The following CUX2 variants were observed in gnomAD, a reference collection of about 807,000 sequenced individuals.
CUX2 encodes homeobox protein cut-like 2.
Under a neutral mutation model 144.8 loss-of-function variants are expected in CUX2, and 40 were observed. The ratio of observed to expected loss-of-function variants is 0.28; its 90% CI spans 0.21 to 0.36. The LOEUF is 0.36. Ranked by LOEUF, CUX2 falls within the 10% of genes least tolerant of loss-of-function variation. CUX2 has a pLI of 1.00. For synonymous variants in CUX2, 827 were observed against 875.6 expected (o/e 0.94, Z 0.98); for missense variants, 1,615 against 1,994.0 (o/e 0.81, Z 3.62).
At position 111,160,004 on chromosome 12, in the gene CUX2, G is replaced by A. The variant is rs187526351; in HGVS notation, c.64-54196G>A. Among the ~76,000 whole-genome samples, 133 of 152,272 alleles carry A rather than the reference G, an allele frequency of 8.7e-4. No homozygotes were observed. Among genetic ancestry groups the A allele is most frequent in the Middle Eastern group, 3.4e-3 (1 of 294 alleles). ...TGTACCACTGCACTCCAGCCTGGGC[G>A]ACAAAGTGAGACTATCTTAAAAACA... On this transcript the variant is annotated intron_variant, in intron 1 of 21. Coordinates refer to ENST00000261726, the MANE Select transcript of CUX2 (RefSeq NM_015267.4). This position sits in a 1 kb window ranked among gnomAD's most constrained non-coding sequence, Gnocchi z 4.1.
intron 1 of CUX2, among the ~76,000 whole-genome samples, chr12:111,150,340 T>C (rs1337783875): frequency 6.6e-6 from 1 of 152,220 alleles, no homozygotes; most frequent in Non-Finnish European, 1.5e-5. Context: ...AAAGAAAGAA[T>C]CATGCCTTGA....
At position 111,348,206 on chromosome 12, in the gene CUX2, A is replaced by C. The variant is rs1197924371; in HGVS notation, c.4342A>C (p.Ser1448Arg). The part of the protein sequence containing the change: ...TADMAGALHP[S>R]AKVNPNLQRR... ...TGACATGGCTGGAGCCTTGCACCCC[A>C]GTGCCAAGGTGAACCCCAACTTGCA... Residue 1448 changes from serine to arginine, a missense_variant, in exon 22 of 22, where the codon AGT becomes CGT. By Grantham distance (110) the Ser-to-Arg change is moderately radical (BLOSUM62 -1). This residue lies in a region of CUX2 where 298 missense variants were observed against 330.4 expected (regional missense o/e 0.90). Coordinates refer to ENST00000261726, the MANE Select transcript of CUX2 (RefSeq NM_015267.4). The C allele has an allele frequency of 1.2e-6, 2 of 1,613,882 alleles. No individual in the cohort carries two copies. The highest frequency in any genetic ancestry group is 1.3e-5 in the African/African-American group (1 of 74,848).
chr12:111,343,256 T>C (rs1444360198), intron 21 of CUX2, among the ~76,000 whole-genome samples: 1 of 152,084 alleles, frequency 6.6e-6, no homozygotes, highest in African/African-American at 2.4e-5. Flanking sequence ...CTTCAATGGC[T>C]GCTTCTTTCC....
intron 18 of CUX2, among the ~76,000 whole-genome samples, chr12:111,324,629 T>A (rs1049646094): frequency 1.3e-5 from 2 of 151,860 alleles, no homozygotes; most frequent in African/African-American, 4.8e-5. Context: ...GCCTCCCGAG[T>A]AGCTGGGGTT....
chr12:111,146,843 T>C (rs1463458088), intron 1 of CUX2, among the ~76,000 whole-genome samples: 2 of 152,200 alleles, frequency 1.3e-5, no homozygotes, highest in Non-Finnish European at 1.5e-5. Context: ...GGCATAATAA[T>C]AGCTCTGGGG....
intron 1 of CUX2, among the ~76,000 whole-genome samples, chr12:111,121,116 A>C (rs1003399343): frequency 8.4e-4 from 127 of 151,702 alleles, no homozygotes; most frequent in Middle Eastern, 3.4e-3. Context: ...AAAAAAAAAA[A>C]AAACAACCCA....
At chr12:111,162,484 C>A (rs1877840980) in intron 1 of CUX2, among the ~76,000 whole-genome samples, 1 of 152,194 alleles carries the variant, frequency 6.6e-6, no homozygotes, top group Non-Finnish European at 1.5e-5. Flanking sequence ...GGATGTGCGG[C>A]CTTGGCCCAC....
chr12:111,328,580 T>TTATGTG (rs1555217351), intron 18 of CUX2, among the ~76,000 whole-genome samples: 1 of 135,752 alleles, frequency 7.4e-6, no homozygotes, highest in African/African-American at 2.8e-5. Flanking sequence ...CCAATTTCTT[T>TTATGTG]TGTGTGTGTG....
intron 4 of CUX2, among the ~76,000 whole-genome samples, chr12:111,283,446 C>T (rs1157949378): frequency 6.6e-6 from 1 of 152,152 alleles, no homozygotes. Flanking sequence ...CTGAGTGGCA[C>T]CTTCCACAGC....
At chr12:111,073,386 T>G (rs1252555906) in intron 1 of CUX2, among the ~76,000 whole-genome samples, 2 of 152,138 alleles carry the variant, frequency 1.3e-5, no homozygotes, top group East Asian at 3.8e-4. Flanking sequence ...CACCACAATT[T>G]TTCATCCATT....
At chr12:111,317,841 C>CA (rs964993496) in intron 16 of CUX2, among the ~76,000 whole-genome samples, 2 of 150,492 alleles carry the variant, frequency 1.3e-5, no homozygotes, top group South Asian at 2.1e-4. Context: ...ACTAAAAATA[C>CA]AAAAAAAAAT....
At chr12:111,130,328 A>C (rs749270999) in intron 1 of CUX2, among the ~76,000 whole-genome samples, 1 of 152,188 alleles carries the variant, frequency 6.6e-6, no homozygotes, top group Non-Finnish European at 1.5e-5. Context: ...ATACAGATCA[A>C]GTAAGAATTT....
chr12:111,341,813 C>A lies in CUX2; in HGVS notation c.3419C>A (p.Thr1140Asn), dbSNP rs750268291. 1.9e-6 allele frequency: 3 copies of A among 1,610,824 alleles called. No individual in the cohort carries two copies. Among genetic ancestry groups the A allele is most frequent in the Non-Finnish European group, 2.5e-6 (3 of 1,179,334 alleles). The stretch of plus-strand genomic sequence containing the variant: ...AAACGTCGCTATGGCCTCATCAGCA[C>A]CGGCTCAGACAGTGAGTCCCCGGCC... The part of the protein sequence containing the change: ...YLKRRYGLIS[T>N]GSDSESPATR... Residue 1140 changes from threonine to asparagine, a missense_variant, in exon 21 of 22, where the codon ACC becomes AAC. Thr to Asn is a moderately conservative substitution (Grantham distance 65). Coordinates refer to ENST00000261726, the MANE Select transcript of CUX2 (RefSeq NM_015267.4).
intron 1 of CUX2, among the ~76,000 whole-genome samples, chr12:111,050,297 T>C (rs1185527824): frequency 5.3e-5 from 8 of 152,110 alleles, no homozygotes; most frequent in Non-Finnish European, 2.9e-5. Flanking sequence ...TCAAGGTCCA[T>C]CTCTTCTCAC....
chr12:111,233,445 T>C (rs1006456645), intron 3 of CUX2, among the ~76,000 whole-genome samples: 7 of 152,076 alleles, frequency 4.6e-5, no homozygotes, highest in Non-Finnish European at 4.4e-5. Context: ...CACAAAATAA[T>C]AACACTTAAT....
intron 1 of CUX2, among the ~76,000 whole-genome samples, chr12:111,056,816 G>A (rs948010511): frequency 6.6e-6 from 1 of 152,228 alleles, no homozygotes; most frequent in Non-Finnish European, 1.5e-5. Flanking sequence ...CGATGGTGGT[G>A]GTGATTCAGG....
At chr12:111,214,171 C>CTTT in intron 1 of CUX2, 29 bp from the exon 2 acceptor site, 1 of 1,176,634 alleles carries the variant, frequency 8.5e-7, no homozygotes. Flanking sequence ...TTCTCTCTCT[C>CTTT]TCTTTTTTTT....
At chr12:111,321,505 G>GCAATGTAGCA (rs1016088255) in intron 17 of CUX2, among the ~76,000 whole-genome samples, 1 of 151,758 alleles carries the variant, frequency 6.6e-6, no homozygotes, top group African/African-American at 2.4e-5. Flanking sequence ...ATCAGCCTGG[G>GCAATGTAGCA]CAATGTAGCA....
intron 1 of CUX2, among the ~76,000 whole-genome samples, chr12:111,135,744 G>A (rs538701742): frequency 1.3e-4 from 20 of 152,246 alleles, no homozygotes; most frequent in Admixed American, 7.9e-4. Context: ...ACCATGTAGC[G>A]TAGGATTCCA....
Sources: gnomAD v4.1 joint callset for allele counts (sites outside exome capture counted in the v4.1 genomes callset) on GRCh38, gnomAD v4.1.1 for gene constraint, gnomAD v4.1.1 regional missense constraint, Gnocchi (gnomAD v3.1) non-coding constraint, MANE v1.5 for transcripts, NCBI Gene and HGNC (gene_info 2026-07-23, HGNC 2026-07-21) for gene names.